The following ARGFX variants were observed in gnomAD, a reference collection of about 807,000 sequenced individuals.
ARGFX encodes the protein arginine-fifty homeobox.
A neutral mutation model predicts 8.0 loss-of-function variants in ARGFX; 10 were observed. The observed-to-expected ratio is 1.25, with a 90% CI of 0.77 to 2.12. The LOEUF is 2.12. Ranked by LOEUF, ARGFX falls within the 30% of genes most tolerant of loss-of-function variation. The pLI, the probability that ARGFX is intolerant of heterozygous loss-of-function variation, is 0.00. For missense variants in ARGFX, 282 were observed against 324.3 expected, an observed-to-expected ratio of 0.87 and a Z score of 1.00; for synonymous variants, 116 against 117.8, an observed-to-expected ratio of 0.98 and a Z score of 0.10.
At chr3:121,568,806 T>C (rs1195601151) in intron 1 of ARGFX, among the ~76,000 whole-genome samples, 1 of 152,256 alleles carries the variant, frequency 6.6e-6, no homozygotes, top group Non-Finnish European at 1.5e-5. Context: ...ATCATTTATT[T>C]ACTCTTAGGA....
At chr3:121,585,629 C>G (rs985415402) in intron 4 of ARGFX, among the ~76,000 whole-genome samples, 1 of 152,088 alleles carries the variant, frequency 6.6e-6, no homozygotes, top group Non-Finnish European at 1.5e-5. Flanking sequence ...TGTGAGCCAC[C>G]GTGACTGGCC....
rs148636442 is a variant in ARGFX, at chr3:121,569,043, T to C, written c.-13+1030T>C. 7.2e-5 allele frequency among the ~76,000 whole-genome samples: 11 copies of C among 152,308 alleles called. No homozygotes were observed. The East Asian group carries it at 2.1e-3, about 29-fold the overall frequency. ...ATTAAAATATATTTATTCATTCCTT[T>C]CAAAATAAAATGATAAATGCGTGAC... On this transcript the variant is annotated intron_variant, in intron 1 of 4. Coordinates refer to ENST00000334384, the MANE Select transcript of ARGFX (RefSeq NM_001012659.2).
chr3:121,571,657 G>A (rs1014033158), intron 2 of ARGFX, among the ~76,000 whole-genome samples: 25 of 151,282 alleles, frequency 1.7e-4, no homozygotes, highest in South Asian at 2.1e-4. Context: ...TCCACCTCCC[G>A]GGTTCAAGTG....
chr3:121,588,311 C>CAAAAAAAAAAA lies in ARGFX; in HGVS notation c.*1721_*1731dup, dbSNP rs756800220. ...TGAAATCCCGTCTCTACTAAAAATACAAAAAAAAAAAAAAAAAAAAGCCAG... is the reference window on the plus strand; with the variant it reads ...TGAAATCCCGTCTCTACTAAAAATACAAAAAAAAAAAAAAAAAAAAAAAAAAAAAAAGCCAG... On this transcript the variant is annotated 3_prime_UTR_variant, in exon 5 of 5. Coordinates refer to ENST00000334384, the MANE Select transcript of ARGFX (RefSeq NM_001012659.2). 5.8e-4 allele frequency among the ~76,000 whole-genome samples: 30 copies of CAAAAAAAAAAA among 51,382 alleles called. No homozygotes were observed. The highest frequency in any genetic ancestry group is 9.7e-4 in the Non-Finnish European group (22 of 22,626). 33.7% of individuals were successfully genotyped at this position (51,382 alleles called of 152,430 possible). A position where few individuals can be genotyped will look rare whatever the true frequency, so the allele number is the denominator to read the frequency against.
Position 121,588,444 on chromosome 3 carries a change from C to T in ARGFX, c.*1844C>T, listed in dbSNP as rs576070786. 6.7e-6 allele frequency among the ~76,000 whole-genome samples: 1 copy of T among 149,404 alleles called. No homozygotes were observed. The highest frequency in any genetic ancestry group is 1.5e-5 in the Non-Finnish European group (1 of 67,552). On this transcript the variant is annotated 3_prime_UTR_variant, in exon 5 of 5. Coordinates refer to ENST00000334384, the MANE Select transcript of ARGFX (RefSeq NM_001012659.2). ...AGTGAGCTGAGGTCGCACCACTGCA[C>T]TCCAGCCTGGACAACAGAGCAAGAC...
At chr3:121,582,114 G>C (rs1347905643) in intron 3 of ARGFX, among the ~76,000 whole-genome samples, 1 of 152,036 alleles carries the variant, frequency 6.6e-6, no homozygotes, top group Non-Finnish European at 1.5e-5. Flanking sequence ...ACAATTTACA[G>C]TTTGTAAATT....
At chr3:121,577,457 T>C (rs972647296) in intron 3 of ARGFX, among the ~76,000 whole-genome samples, 1 of 151,538 alleles carries the variant, frequency 6.6e-6, no homozygotes, top group Non-Finnish European at 1.5e-5. Context: ...TTTCACCATG[T>C]TGACCAGGCT....
chr3:121,577,772 T>TG (rs1405083341), intron 3 of ARGFX, among the ~76,000 whole-genome samples: 3 of 152,064 alleles, frequency 2.0e-5, no homozygotes, highest in African/African-American at 7.2e-5. Flanking sequence ...TTACAAACCC[T>TG]ATTATAAAGT....
In ARGFX at chr3:121,570,686, A is replaced by C; in HGVS notation, c.-12-16A>C. 6.6e-7 allele frequency: 1 copy of C among 1,526,266 alleles called. No individual in the cohort carries two copies. Among genetic ancestry groups the C allele is most frequent in the Non-Finnish European group, 9.0e-7 (1 of 1,110,472 alleles). The allele number at this position is 1,526,266 out of a possible 1,614,324, so 94.5% of individuals were successfully genotyped here. On this transcript the variant is annotated splice_polypyrimidine_tract_variant and intron_variant, in intron 1 of 4. Transcript: ENST00000334384. ...TCCTCATCAGCATTCCCTATCTCAT[A>C]GGCCTTCCATCTCAGATTTCAGAAA...
chr3:121,576,485 T>C (rs1474173913), intron 2 of ARGFX, among the ~76,000 whole-genome samples: 1 of 151,410 alleles, frequency 6.6e-6, no homozygotes, highest in Admixed American at 6.6e-5. Flanking sequence ...ATTACAGGTG[T>C]GCGCCACCAT....
intron 3 of ARGFX, among the ~76,000 whole-genome samples, chr3:121,584,016 GAA>G (rs756072027): frequency 1.3e-5 from 2 of 152,030 alleles, no homozygotes; most frequent in African/African-American, 2.4e-5. Context: ...CTCTGTGAAA[GAA>G]AAAGTTTTTT....
At chr3:121,580,960 C>T (rs1234913608) in intron 3 of ARGFX, among the ~76,000 whole-genome samples, 1 of 152,032 alleles carries the variant, frequency 6.6e-6, no homozygotes, top group African/African-American at 2.4e-5. Context: ...TAGATACACA[C>T]AAATAGATAG....
chr3:121,571,914 C>T (rs894148149), intron 2 of ARGFX, among the ~76,000 whole-genome samples: 3 of 151,500 alleles, frequency 2.0e-5, no homozygotes, highest in African/African-American at 7.3e-5. Context: ...CTGCAACCTC[C>T]GTCTCCCAGG....
chr3:121,586,395 A>T lies in ARGFX; in HGVS notation c.743A>T (p.His248Leu), dbSNP rs1337067426. The T allele has an allele frequency of 6.2e-7, 1 of 1,614,160 alleles. No individual in the cohort carries two copies. The highest frequency in any genetic ancestry group is 8.5e-7 in the Non-Finnish European group (1 of 1,180,026). ...AATGAGATATCCAGCTCTTCTTTCCACTGTCTGTATCAGTATCTCTCACCC... is the reference window on the plus strand; with the variant it reads ...AATGAGATATCCAGCTCTTCTTTCCTCTGTCTGTATCAGTATCTCTCACCC... ...DENEISSSSF[H>L]CLYQYLSPTK... is the part of the protein sequence containing the mutation. The change falls in exon 5 of 5, where the codon CAC becomes CTC. Residue 248 changes from histidine to leucine, a missense_variant. Transcript: ENST00000334384.
At position 121,586,050 on chromosome 3, in the gene ARGFX, T is replaced by C. The variant is rs1363591950; in HGVS notation, c.398T>C (p.Leu133Ser). ...KVWFRNRRFK[L>S]KKQQQQQSAK... ...TGGTTCAGGAACCGGCGATTCAAAT[T>C]GAAGAAGCAGCAGCAGCAGCAATCA... The change falls in exon 5 of 5, where the codon TTG becomes TCG. Residue 133 changes from leucine to serine, a missense_variant. Physicochemically the swap from Leu to Ser is moderately radical, Grantham distance 145. Transcript: ENST00000334384. 1.3e-6 allele frequency: 2 copies of C among 1,585,746 alleles called. No individual in the cohort carries two copies. The highest frequency in any genetic ancestry group is 1.2e-5 in the South Asian group (1 of 86,046).
At chr3:121,576,675 C>CTCTTTCTTTTTCTTTCTTTCTCTT (rs2048737794) in intron 2 of ARGFX, 109 bp from the exon 3 acceptor site, 1 of 320,126 alleles carries the variant, frequency 3.1e-6, no homozygotes, top group Non-Finnish European at 6.0e-6. Flanking sequence ...TTCTTTCTTT[C>CTCTTTCTTTTTCTTTCTTTCTCTT]TCTTTCTTTT....
chr3:121,570,324 CA>C (rs979042670), intron 1 of ARGFX, among the ~76,000 whole-genome samples: 1 of 152,162 alleles, frequency 6.6e-6, no homozygotes, highest in African/African-American at 2.4e-5. Flanking sequence ...TCTAAGTTGA[CA>C]GTGGTACAAA....
At chr3:121,573,380 C>T in intron 2 of ARGFX, among the ~76,000 whole-genome samples, 1 of 151,812 alleles carries the variant, frequency 6.6e-6, no homozygotes, top group Non-Finnish European at 1.5e-5. Context: ...ACTTGGGAGG[C>T]TGCGGTGGGA....
In ARGFX at chr3:121,589,607, C is replaced by G. The variant is rs1308176093; in HGVS notation, c.*3007C>G. ...CCCAGGCTGGCCTCAAACTCCTGAG[C>G]TCAAGTGATCCTCCCGTCTCAGCCT... On this transcript the variant is annotated 3_prime_UTR_variant, in exon 5 of 5. Transcript: ENST00000334384. Among the ~76,000 whole-genome samples the G allele has an allele frequency of 8.5e-5, 13 of 152,154 alleles. No homozygotes were observed. The highest frequency in any genetic ancestry group is 2.1e-4 in the South Asian group (1 of 4,830).
Sources: gnomAD v4.1 joint callset for allele counts (sites outside exome capture counted in the v4.1 genomes callset) on GRCh38, gnomAD v4.1.1 for gene constraint, MANE v1.5 for transcripts, NCBI Gene and HGNC (gene_info 2026-07-23, HGNC 2026-07-21) for gene names.